Variants in GPHN observed in about 807,000 individuals in gnomAD.
GPHN encodes gephyrin.
In GPHN, 17 loss-of-function variants were observed where a neutral mutation model predicts 95.5. The ratio of observed to expected loss-of-function variants is 0.18; its 90% CI spans 0.12 to 0.27. The LOEUF (loss-of-function observed/expected upper bound fraction) is 0.27, where lower values mean the gene tolerates loss of function less well. Among genes scored for constraint, GPHN ranks in the 10% least tolerant of loss-of-function variants. GPHN has a pLI of 1.00. For missense variants in GPHN, 660 were observed against 978.1 expected, an observed-to-expected ratio of 0.67 and a Z score of 4.34; for synonymous variants, 320 against 322.5, an observed-to-expected ratio of 0.99 and a Z score of 0.08.
the GPHN span, chr14:67,316,960 A>C: frequency 7.2e-7 from 1 of 1,393,970 alleles, no homozygotes; most frequent in Non-Finnish European, 1.0e-6. Context: ...ATCTGGAGCC[A>C]TGTGTGAATC....
the GPHN span, among the ~76,000 whole-genome samples, chr14:67,306,318 G>A: frequency 1.3e-5 from 2 of 151,874 alleles, no homozygotes; most frequent in African/African-American, 2.4e-5. Context: ...GTGATGTGCA[G>A]TATTTTTCTT....
chr14:66,997,606 G>C (rs998364559), intron 9 of GPHN, among the ~76,000 whole-genome samples: 44 of 152,156 alleles, frequency 2.9e-4, no homozygotes, highest in African/African-American at 9.4e-4. Flanking sequence ...CAGAACCAGA[G>C]GCAGAATACC....
the GPHN span, among the ~76,000 whole-genome samples, chr14:67,496,401 T>TTTTTTG: frequency 8.0e-6 from 1 of 124,478 alleles, no homozygotes; most frequent in South Asian, 3.1e-4. Context: ...GTTTTTTTTT[T>TTTTTTG]TTTTTTTTTT....
At chr14:67,267,694 A>C in the GPHN span, among the ~76,000 whole-genome samples, 1 of 152,228 alleles carries the variant, frequency 6.6e-6, no homozygotes, top group Non-Finnish European at 1.5e-5. Flanking sequence ...TGTCACTGAA[A>C]TCTAATATTA....
the GPHN span, chr14:67,579,110 T>C: frequency 6.7e-7 from 1 of 1,485,486 alleles, no homozygotes; most frequent in East Asian, 2.3e-5. Flanking sequence ...GAGCCCATAA[T>C]ACTCCCCTCT....
intron 17 of GPHN, among the ~76,000 whole-genome samples, chr14:67,140,116 G>A (rs1469418502): frequency 6.6e-6 from 1 of 152,114 alleles, no homozygotes; most frequent in Non-Finnish European, 1.5e-5. Flanking sequence ...TGGCACGGCG[G>A]CTCACACCTG....
chr14:67,550,479 G>C, the GPHN span, among the ~76,000 whole-genome samples: 1 of 152,192 alleles, frequency 6.6e-6, no homozygotes, highest in Non-Finnish European at 1.5e-5. Flanking sequence ...GTGCACCACC[G>C]CGCCCAGCCA....
chr14:67,124,973 T>C (rs1350497161), intron 17 of GPHN, among the ~76,000 whole-genome samples: 1 of 152,138 alleles, frequency 6.6e-6, no homozygotes, highest in Non-Finnish European at 1.5e-5. Flanking sequence ...CTAATAATGG[T>C]GATATTGCAT....
At chr14:67,354,720 T>G in the GPHN span, among the ~76,000 whole-genome samples, 2 of 152,228 alleles carry the variant, frequency 1.3e-5, no homozygotes, top group Non-Finnish European at 2.9e-5. Context: ...CTAGAAAGGA[T>G]TCACAAAAAC....
At chr14:67,296,622 C>T in the GPHN span, among the ~76,000 whole-genome samples, 22,359 of 140,938 alleles carry the variant, frequency 0.16, 3,398 homozygotes, top group East Asian at 0.43. Flanking sequence ...AAGATGGTGT[C>T]TAGATCCTGA....
the GPHN span, chr14:67,381,614 G>C: frequency 6.2e-7 from 1 of 1,613,346 alleles, no homozygotes; most frequent in Admixed American, 1.7e-5. Context: ...GCTTGTTATG[G>C]TTATGAAGGC....
the GPHN span, among the ~76,000 whole-genome samples, chr14:67,461,799 G>T: frequency 6.6e-6 from 1 of 152,262 alleles, no homozygotes; most frequent in South Asian, 2.1e-4. Flanking sequence ...GATCCTGGGA[G>T]AACAGATTGA....
the GPHN span, chr14:67,270,058 C>T: frequency 2.6e-5 from 4 of 152,152 alleles, no homozygotes; most frequent in East Asian, 1.9e-4. Context: ...AATTAAGATA[C>T]TGGTAATATA....
At chr14:66,840,029 A>G (rs376926585) in intron 4 of GPHN, among the ~76,000 whole-genome samples, 1 of 152,178 alleles carries the variant, frequency 6.6e-6, no homozygotes, top group African/African-American at 2.4e-5. Flanking sequence ...CTGTAATCCC[A>G]GCACTTTGGG....
the GPHN span, chr14:67,393,324 T>C: frequency 1.9e-3 from 1,730 of 922,924 alleles, 18 homozygotes; most frequent in African/African-American, 0.017. Context: ...CTGCTAAGGG[T>C]ATAAAGCAAG....
chr14:67,501,635 C>G, the GPHN span, among the ~76,000 whole-genome samples: 3 of 152,114 alleles, frequency 2.0e-5, no homozygotes, highest in African/African-American at 7.2e-5. Flanking sequence ...AGGCAGGGTC[C>G]CAGGTGAGGT....
In GPHN at chr14:66,535,853, T is replaced by C. The variant is rs376222098; in HGVS notation, c.64+27262T>C. 1.4e-4 allele frequency among the ~76,000 whole-genome samples: 22 copies of C among 152,188 alleles called. No individual in the cohort carries two copies. In the South Asian group the frequency reaches 3.5e-3, roughly 24 times the overall value. Reference sequence around the variant, plus strand: ...TTTTAATATTTAATATTTTATAGATTTTTTGTATTTCCTATGCAAACAACC... The same window carrying C: ...TTTTAATATTTAATATTTTATAGATCTTTTGTATTTCCTATGCAAACAACC... On this transcript the variant is annotated intron_variant, in intron 1 of 22. Transcript: ENST00000478722.
intron 1 of GPHN, among the ~76,000 whole-genome samples, chr14:66,514,830 C>T (rs193209680): frequency 5.9e-5 from 9 of 152,022 alleles, no homozygotes; most frequent in Admixed American, 5.2e-4. Context: ...CTTTGTTTTC[C>T]TTACAACGTT....
At chr14:66,783,279 G>A (rs376839840) in intron 3 of GPHN, among the ~76,000 whole-genome samples, 3 of 152,182 alleles carry the variant, frequency 2.0e-5, no homozygotes, top group African/African-American at 4.8e-5. Context: ...CTCACCTGGT[G>A]GTGGCAGCAG....
Sources: allele counts gnomAD v4.1 joint callset (sites outside exome capture counted in the v4.1 genomes callset), GRCh38; gene constraint gnomAD v4.1.1; transcripts MANE v1.5; gene names NCBI Gene and HGNC (gene_info 2026-07-23, HGNC 2026-07-21).